The following OLFM3 variants were observed in gnomAD, a reference collection of about 807,000 sequenced individuals.
OLFM3 encodes the protein noelin-3.
OLFM3 carries 20 observed loss-of-function variants against 48.6 expected under a neutral mutation model. That is an observed-to-expected ratio of 0.41 (90% CI 0.29 to 0.60). The LOEUF (loss-of-function observed/expected upper bound fraction) is 0.60, where lower values mean the gene tolerates loss of function less well. Ranked by LOEUF, OLFM3 falls within the 20% of genes least tolerant of loss-of-function variation. OLFM3 has a pLI of 0.28. For missense variants in OLFM3, 437 were observed against 544.3 expected (o/e 0.80, Z 1.96); for synonymous variants, 222 against 198.1 (o/e 1.12, Z -1.01).
At chr1:101,869,338 A>G (rs1656981498) in intron 1 of OLFM3, among the ~76,000 whole-genome samples, 1 of 152,170 alleles carries the variant, frequency 6.6e-6, no homozygotes, top group Non-Finnish European at 1.5e-5. Flanking sequence ...CATGCAGTCA[A>G]AGGTGATCAT....
At chr1:101,981,221 A>G (rs568089532) in intron 1 of OLFM3, among the ~76,000 whole-genome samples, 38 of 151,952 alleles carry the variant, frequency 2.5e-4, no homozygotes, top group Middle Eastern at 3.4e-3. Context: ...CATGCTTCCT[A>G]TTTCACCGAG....
intron 3 of OLFM3, among the ~76,000 whole-genome samples, chr1:101,828,770 G>T (rs1390258691): frequency 6.6e-6 from 1 of 152,016 alleles, no homozygotes; most frequent in African/African-American, 2.4e-5. Flanking sequence ...CTCTCCTCCT[G>T]ACTAGTTCCT....
At chr1:101,835,862 C>A (rs1655374841) in intron 2 of OLFM3, among the ~76,000 whole-genome samples, 1 of 152,090 alleles carries the variant, frequency 6.6e-6, no homozygotes, top group African/African-American at 2.4e-5. Flanking sequence ...AATATACTTG[C>A]AAATAATATA....
Position 101,804,367 on chromosome 1 carries a change from G to T in OLFM3, c.1248C>A (p.Asn416Lys). ...TYEYTDIPFH[N>K]QYFHISMLDY... ...CAAGCATGGATATGTGAAAGTATTG[G>T]TTATGGAAGGGAATGTCTGTGTACT... The change falls in exon 6 of 6, where the codon AAC (asparagine) becomes AAA (lysine). Residue 416 changes from asparagine to lysine, a missense_variant. Coordinates refer to ENST00000370103, the MANE Select transcript of OLFM3 (RefSeq NM_058170.4). This position sits in a 1 kb window ranked among gnomAD's most constrained non-coding sequence, Gnocchi z 4.5. The T allele has an allele frequency of 2.5e-6, 4 of 1,612,476 alleles. No individual in the cohort carries two copies. The highest frequency in any genetic ancestry group is 3.4e-6 in the Non-Finnish European group (4 of 1,178,910).
intron 1 of OLFM3, among the ~76,000 whole-genome samples, chr1:101,880,855 A>G (rs972633208): frequency 2.6e-5 from 4 of 151,872 alleles, no homozygotes; most frequent in Non-Finnish European, 4.4e-5. Flanking sequence ...ATTTTAATTC[A>G]TATAAAACTT....
At chr1:101,826,641 T>C (rs1031827871) in intron 3 of OLFM3, among the ~76,000 whole-genome samples, 2 of 152,154 alleles carry the variant, frequency 1.3e-5, no homozygotes, top group Admixed American at 6.5e-5. Flanking sequence ...CATGTACATA[T>C]TGAGTGGGAG....
chr1:101,936,320 A>G (rs1659615743), intron 1 of OLFM3, among the ~76,000 whole-genome samples: 1 of 152,080 alleles, frequency 6.6e-6, no homozygotes, highest in African/African-American at 2.4e-5. Flanking sequence ...ATACACCAAC[A>G]ATGTCTAAGC....
rs755574397 is a variant in OLFM3, at chr1:101,825,103, C to G, written c.515G>C (p.Gly172Ala). The change falls in exon 4 of 6, where the codon GGT becomes GCT. Residue 172 changes from glycine (G) to alanine (A), a missense_variant. Coordinates refer to ENST00000370103, the MANE Select transcript of OLFM3 (RefSeq NM_058170.4). ...GTGTAGTTCCTCGTAGTCATAGGCACCAATTTCCTCCTGAATACCAGTGAG... is the reference window on the plus strand; with the variant it reads ...GTGTAGTTCCTCGTAGTCATAGGCAGCAATTTCCTCCTGAATACCAGTGAG... Reference protein sequence around the residue: ...AVLTGIQEEIGAYDYEELHQR... With the variant: ...AVLTGIQEEIAAYDYEELHQR... The G allele has an allele frequency of 8.1e-6, 13 of 1,613,998 alleles. No homozygotes were observed. The highest frequency in any genetic ancestry group is 1.1e-5 in the Non-Finnish European group (13 of 1,179,992).
intron 2 of OLFM3, among the ~76,000 whole-genome samples, chr1:101,833,200 C>T (rs573839707): frequency 2.6e-5 from 4 of 152,302 alleles, no homozygotes; most frequent in African/African-American, 9.6e-5. Context: ...TAATTTTCAA[C>T]TTCATTTGTG....
chr1:101,864,230 CA>C (rs201233986), intron 1 of OLFM3, among the ~76,000 whole-genome samples: 1 of 151,382 alleles, frequency 6.6e-6, no homozygotes, highest in Non-Finnish European at 1.5e-5. Flanking sequence ...ATATTTTATA[CA>C]AAAAATAACA....
intron 1 of OLFM3, among the ~76,000 whole-genome samples, chr1:101,922,492 T>C (rs1659129059): frequency 6.6e-6 from 1 of 152,160 alleles, no homozygotes; most frequent in South Asian, 2.1e-4. Context: ...TGATTCTAGC[T>C]AAGCAGGGCT....
intron 1 of OLFM3, among the ~76,000 whole-genome samples, chr1:101,915,298 CACTTCTGCTTTTTAAA>C (rs1658886031): frequency 6.6e-6 from 1 of 151,800 alleles, no homozygotes; most frequent in South Asian, 2.1e-4. Context: ...AAATAATATA[CACTTCTGCTTTTTAAA>C]AACTTGCTAT....
At chr1:101,910,398 G>A (rs993452011) in intron 1 of OLFM3, among the ~76,000 whole-genome samples, 4 of 151,626 alleles carry the variant, frequency 2.6e-5, no homozygotes, top group African/African-American at 7.3e-5. Context: ...CCCGGGAGGC[G>A]GAGCTTGCAG....
chr1:101,834,981 A>G (rs937420193), intron 2 of OLFM3, among the ~76,000 whole-genome samples: 6 of 152,194 alleles, frequency 3.9e-5, no homozygotes, highest in African/African-American at 1.4e-4. Context: ...TGACATTTAT[A>G]CTTTATTTTA....
chr1:101,943,270 A>C (rs574036299), intron 1 of OLFM3, among the ~76,000 whole-genome samples: 38 of 152,376 alleles, frequency 2.5e-4, no homozygotes, highest in African/African-American at 7.9e-4. Flanking sequence ...CTTGAAAAAG[A>C]AGAAATGCCA....
chr1:101,823,571 T>C lies in OLFM3; in HGVS notation c.592+1455A>G, dbSNP rs186046822. 3.9e-5 allele frequency among the ~76,000 whole-genome samples: 6 copies of C among 152,002 alleles called. No individual in the cohort carries two copies. In the East Asian group the frequency reaches 1.2e-3, roughly 29 times the overall value. ...CTGGAGAAGCAGAAGGGGCCACACATGAAGGGTCACATAAGCCATGGACTG... is the reference window on the plus strand; with the variant it reads ...CTGGAGAAGCAGAAGGGGCCACACACGAAGGGTCACATAAGCCATGGACTG... On this transcript the variant is annotated intron_variant, in intron 4 of 5. Coordinates refer to ENST00000370103, the MANE Select transcript of OLFM3 (RefSeq NM_058170.4).
At chr1:101,840,637 A>G (rs1655673695) in intron 1 of OLFM3, among the ~76,000 whole-genome samples, 1 of 151,950 alleles carries the variant, frequency 6.6e-6, no homozygotes, top group Non-Finnish European at 1.5e-5. Context: ...CGCCCAGTTA[A>G]TTTTTGTATC....
rs778489824 is a variant in OLFM3 at position 101,806,108 on chromosome 1, T to A, written c.667A>T (p.Thr223Ser). Residue 223 changes from threonine to serine, a missense_variant, in exon 5 of 6, where the codon ACA becomes TCA. Thr to Ser is a moderately conservative substitution (Grantham distance 58, BLOSUM62 1). Coordinates refer to ENST00000370103, the MANE Select transcript of OLFM3 (RefSeq NM_058170.4). ...TTTTTCTCAGATGCTAAAGGGTCTG[T>A]CATCCAAGCACCAAATCGGGTTCCA... The part of the protein sequence containing the change: ...TSGTRFGAWM[T>S]DPLASEKNNR... The A allele has an allele frequency of 6.2e-7, 1 of 1,612,106 alleles. No homozygotes were observed. Among genetic ancestry groups the A allele is most frequent in the South Asian group, 1.1e-5 (1 of 91,014 alleles).
intron 1 of OLFM3, among the ~76,000 whole-genome samples, chr1:101,845,072 G>T (rs1007740550): frequency 5.3e-5 from 8 of 152,020 alleles, no homozygotes; most frequent in African/African-American, 1.9e-4. Context: ...CTCCATTCCA[G>T]TGAATACCAT....
Sources: gnomAD v4.1 joint callset for allele counts (sites outside exome capture counted in the v4.1 genomes callset) on GRCh38, gnomAD v4.1.1 for gene constraint, Gnocchi (gnomAD v3.1) non-coding constraint, MANE v1.5 for transcripts, NCBI Gene and HGNC (gene_info 2026-07-23, HGNC 2026-07-21) for gene names.